RUSC1: variants seen among roughly 807,000 people sequenced by gnomAD.
RUSC1 encodes AP-4 complex accessory subunit RUSC1.
Under a neutral mutation model 72.1 loss-of-function variants are expected in RUSC1, and 40 were observed. The observed-to-expected ratio is 0.55, with a 90% CI of 0.43 to 0.72. The LOEUF (loss-of-function observed/expected upper bound fraction) is 0.72, where lower values mean the gene tolerates loss of function less well. Among genes scored for constraint, RUSC1 ranks in the 30% least tolerant of loss-of-function variants. The pLI is 0.00. For missense variants in RUSC1, 1,092 were observed against 1,172.3 expected, an observed-to-expected ratio of 0.93 and a Z score of 1.00; for synonymous variants, 512 against 494.2, an observed-to-expected ratio of 1.04 and a Z score of -0.48.
At chr1:155,330,254 C>T in intron 9 of RUSC1, 149 bp from the exon 10 acceptor site, 1 of 753,376 alleles carries the variant, frequency 1.3e-6, no homozygotes, top group Non-Finnish European at 2.1e-6. Context: ...GATAGAATCA[C>T]CAAGTTGATG....
In RUSC1 at chr1:155,330,475, G is replaced by A. The variant is rs1278816448; in HGVS notation, c.2613G>A (p.Leu871=). 2.5e-6 allele frequency: 4 copies of A among 1,613,922 alleles called. No individual in the cohort carries two copies. The highest frequency in any genetic ancestry group is 3.4e-6 in the Non-Finnish European group (4 of 1,180,010). ...DQLSFRRGEV[L]RVITTVDEDW... ...TGAGCTTCCGGCGTGGGGAAGTGCTGCGTGTCATCACCACAGTGGATGAGG... is the reference window on the plus strand; with the variant it reads ...TGAGCTTCCGGCGTGGGGAAGTGCTACGTGTCATCACCACAGTGGATGAGG... Residue 871 remains leucine (L), a synonymous_variant, in exon 10 of 10, where the codon CTG becomes CTA. Transcript: ENST00000368352.
rs757662827 is a variant in RUSC1, at chr1:155,322,844, G to A, written c.1071G>A (p.Ser357=). 3.2e-5 allele frequency: 52 copies of A among 1,613,194 alleles called. No individual in the cohort carries two copies. The highest frequency in any genetic ancestry group is 3.6e-5 in the Non-Finnish European group (42 of 1,179,768). ...SPDTELPPSG[S]PGGSSAPPRE... Reference sequence around the variant, plus strand: ...ACACCGAGCTCCCCCCCTCGGGGTCGCCGGGCGGCTCCTCGGCACCTCCTC... The same window carrying A: ...ACACCGAGCTCCCCCCCTCGGGGTCACCGGGCGGCTCCTCGGCACCTCCTC... The change falls in exon 2 of 10, where the codon TCG becomes TCA. Residue 357 remains serine, a synonymous_variant. Transcript: ENST00000368352.
intron 8 of RUSC1, 25 bp downstream of exon 8, chr1:155,327,157 A>G (rs778760665): frequency 3.2e-6 from 5 of 1,566,496 alleles, no homozygotes; most frequent in African/African-American, 2.7e-5. Context: ...TGTCCTTTCT[A>G]TGACCTTCTG....
At chr1:155,327,188 G>T in intron 8 of RUSC1, 56 bp downstream of exon 8, 1 of 1,498,062 alleles carries the variant, frequency 6.7e-7, no homozygotes, top group Non-Finnish European at 9.0e-7. Context: ...ATCTCCTAGC[G>T]GCTTCATTTG....
chr1:155,324,527 T>C (rs1315198146), intron 2 of RUSC1: 1 of 1,600,562 alleles, frequency 6.2e-7, no homozygotes, highest in Non-Finnish European at 8.5e-7. Context: ...CTACAGGCCC[T>C]AGCAGGGCAG....
Position 155,322,223 on chromosome 1 carries a change from A to AAACCCT in RUSC1, c.450_451insAACCCT (p.Ala150_Gly151insAsnPro). ...AGCAGGGCTCCCCACTGGCTTCAGC[A>AAACCCT]GGCCCTGGCACCTGCTCACCGGACA... On this transcript the variant is annotated inframe_insertion, in exon 2 of 10. Coordinates refer to ENST00000368352, the MANE Select transcript of RUSC1 (RefSeq NM_001105203.2). The AAACCCT allele has an allele frequency of 3.1e-6, 5 of 1,612,220 alleles. No individual in the cohort carries two copies. Among genetic ancestry groups the AAACCCT allele is most frequent in the Non-Finnish European group, 3.4e-6 (4 of 1,178,738 alleles).
At chr1:155,328,914 G>A (rs1309886161) in intron 9 of RUSC1, among the ~76,000 whole-genome samples, 1 of 151,854 alleles carries the variant, frequency 6.6e-6, no homozygotes, top group African/African-American at 2.4e-5. Context: ...TGTATTTTTA[G>A]TAGAAACGGG....
intron 2 of RUSC1, chr1:155,324,502 C>G (rs772465069): frequency 1.9e-6 from 3 of 1,605,668 alleles, no homozygotes; most frequent in African/African-American, 1.3e-5. Context: ...TCCCCGCGCC[C>G]CGTCCTCTCC....
At position 155,322,982 on chromosome 1, in the gene RUSC1, C is replaced by T; in HGVS notation, c.1209C>T (p.Pro403=). Residue 403 remains proline, a synonymous_variant, in exon 2 of 10, where the codon CCC becomes CCT. Coordinates refer to ENST00000368352, the MANE Select transcript of RUSC1 (RefSeq NM_001105203.2). ...GWALVPPRPP[P]PPVPPRRKKN... Reference sequence around the variant, plus strand: ...CTTTGGTCCCGCCCCGGCCCCCACCCCCGCCTGTCCCTCCCCGAAGGAAGA... The same window carrying T: ...CTTTGGTCCCGCCCCGGCCCCCACCTCCGCCTGTCCCTCCCCGAAGGAAGA... 6.6e-7 allele frequency: 1 copy of T among 1,515,700 alleles called. No individual in the cohort carries two copies. The allele number at this position is 1,515,700 out of a possible 1,614,324, so 93.9% of individuals were successfully genotyped here.
At chr1:155,324,113 G>A (rs1402976969) in intron 2 of RUSC1, 6 of 1,221,776 alleles carry the variant, frequency 4.9e-6, no homozygotes, top group African/African-American at 1.6e-5. Flanking sequence ...GTCCCAGCGA[G>A]TCTGTTGTTA....
At position 155,325,185 on chromosome 1, in the gene RUSC1, G is replaced by T. The variant is rs368939351; in HGVS notation, c.1533+7G>T. On this transcript the variant is annotated splice_region_variant and intron_variant, in intron 4 of 9. Transcript: ENST00000368352. This position sits in a 1 kb window ranked among gnomAD's most constrained non-coding sequence, Gnocchi z 6.5. ...CCGGAACTTGGTGCAGAAGGTGAAG[G>T]TGGCTGGGGGGAGGCTGTTGGGATG... is the stretch of plus-strand genomic sequence containing the variant. The T allele has an allele frequency of 6.2e-7, 1 of 1,614,108 alleles. No homozygotes were observed. Among genetic ancestry groups the T allele is most frequent in the African/African-American group, 1.3e-5 (1 of 74,942 alleles).
chr1:155,323,808 G>T (rs529219989), intron 2 of RUSC1: 9 of 587,984 alleles, frequency 1.5e-5, no homozygotes, highest in Non-Finnish European at 8.5e-6. Flanking sequence ...CTCCGCCCAG[G>T]CTACGTAAGA....
Position 155,322,144 on chromosome 1 carries a change from G to A in RUSC1, c.371G>A (p.Arg124Gln). The A allele has an allele frequency of 1.9e-6, 3 of 1,603,088 alleles. No individual in the cohort carries two copies. The highest frequency in any genetic ancestry group is 2.6e-6 in the Non-Finnish European group (3 of 1,173,082). The change falls in exon 2 of 10, where the codon CGG (arginine) becomes CAG (glutamine). Residue 124 changes from arginine (R) to glutamine (Q), a missense_variant. Coordinates refer to ENST00000368352, the MANE Select transcript of RUSC1 (RefSeq NM_001105203.2). ...PDESPVSVYL[R>Q]DLPGDEDAHP... ...GAGTCCCCTGTCTCAGTCTACTTGC[G>A]GGACCTCCCTGGTGATGAGGATGCC...
chr1:155,321,438 C>G, intron 1 of RUSC1: 1 of 1,420,872 alleles, frequency 7.0e-7, no homozygotes, highest in East Asian at 3.7e-5. Context: ...GCCCCCGCCC[C>G]CCTTCGGAGA....
chr1:155,320,967 C>T lies in RUSC1; in HGVS notation c.-111C>T. Reference sequence around the variant, plus strand: ...GTGGGAGCCGCGGACAAGCCCAAGGCCGGAGCGGTTCCAGGAGGACCCTGG... The same window carrying T: ...GTGGGAGCCGCGGACAAGCCCAAGGTCGGAGCGGTTCCAGGAGGACCCTGG... On this transcript the variant is annotated 5_prime_UTR_variant, in exon 1 of 10. Transcript: ENST00000368352. 6.5e-7 allele frequency: 1 copy of T among 1,549,176 alleles called. No individual in the cohort carries two copies. Among genetic ancestry groups the T allele is most frequent in the Non-Finnish European group, 8.8e-7 (1 of 1,142,264 alleles).
Position 155,325,392 on chromosome 1 carries a change from C to A in RUSC1, c.1610C>A (p.Ala537Asp), listed in dbSNP as rs1286735780. The A allele has an allele frequency of 1.3e-6, 2 of 1,593,854 alleles. No individual in the cohort carries two copies. Among genetic ancestry groups the A allele is most frequent in the Admixed American group, 1.7e-5 (1 of 57,956 alleles). ...ACCACCCTCTGCCCGGCCCTCCACG[C>A]CCTGGTGGCGGACGGGCTGAAGCCT... Reference protein sequence around the residue: ...VLTTLCPALHALVADGLKPFR... With the variant: ...VLTTLCPALHDLVADGLKPFR... Residue 537 changes from alanine (A) to aspartate (D), a missense_variant, in exon 5 of 10, where the codon GCC becomes GAC. Ala to Asp is a moderately radical substitution (Grantham distance 126, BLOSUM62 -2). Coordinates refer to ENST00000368352, the MANE Select transcript of RUSC1 (RefSeq NM_001105203.2). The surrounding 1 kb of genome is among the most constrained non-coding windows in gnomAD (Gnocchi z 6.5).
intron 2 of RUSC1, 59 bp downstream of exon 2, chr1:155,323,189 C>T: frequency 7.2e-7 from 1 of 1,380,960 alleles, no homozygotes; most frequent in Non-Finnish European, 9.3e-7. Context: ...GCCTCCTAGG[C>T]TTCCAACCCG....
At chr1:155,328,756 G>T (rs1054339005) in intron 9 of RUSC1, among the ~76,000 whole-genome samples, 2 of 152,062 alleles carry the variant, frequency 1.3e-5, no homozygotes, top group Non-Finnish European at 2.9e-5. Context: ...ATGCCGCCAC[G>T]CCCAGCTAAT....
In RUSC1 at chr1:155,327,125, A is replaced by C; in HGVS notation, c.2407A>C (p.Lys803Gln). 6.2e-7 allele frequency: 1 copy of C among 1,601,036 alleles called. No homozygotes were observed. The highest frequency in any genetic ancestry group is 8.5e-7 in the Non-Finnish European group (1 of 1,171,930). Residue 803 changes from lysine (K) to glutamine (Q), a missense_variant, in exon 8 of 10, where the codon AAG (lysine) becomes CAG (glutamine). Lys to Gln is a moderately conservative substitution (Grantham distance 53). Transcript: ENST00000368352. ...CGCAGAAAATGAGAATGGAGCCCTA[A>C]AGTCCAGGTAATGGGGTACCTTGTC... ...GPAENENGAL[K>Q]SRRPSSWLPP... is the part of the protein sequence containing the mutation.
Sources: allele counts gnomAD v4.1 joint callset (sites outside exome capture counted in the v4.1 genomes callset), GRCh38; gene constraint gnomAD v4.1.1; non-coding constraint Gnocchi (gnomAD v3.1); transcripts MANE v1.5; gene names NCBI Gene and HGNC (gene_info 2026-07-23, HGNC 2026-07-21).